Variants in COPZ1 observed in about 807,000 individuals in gnomAD.
COPZ1 encodes the protein coatomer subunit zeta-1.
COPZ1 carries 4 observed loss-of-function variants against 31.7 expected under a neutral mutation model. That is an observed-to-expected ratio of 0.13 (90% CI 0.06 to 0.29). COPZ1 has a LOEUF of 0.29. COPZ1 is among the 10% of genes least tolerant of loss of function. The pLI, the probability that COPZ1 is intolerant of heterozygous loss-of-function variation, is 1.00. For missense variants in COPZ1, 156 were observed against 211.5 expected, an observed-to-expected ratio of 0.74 and a Z score of 1.63; for synonymous variants, 74 against 79.0, an observed-to-expected ratio of 0.94 and a Z score of 0.33.
At position 54,349,931 on chromosome 12, in the gene COPZ1, T is replaced by A. The variant is rs1363041208; in HGVS notation, c.486+273T>A. Reference sequence around the variant, plus strand: ...CCTGCCTGATGCCTCATTCAGTGATTTATTCCCCAGCAGAGGCTTGCCTTA... The same window carrying A: ...CCTGCCTGATGCCTCATTCAGTGATATATTCCCCAGCAGAGGCTTGCCTTA... On this transcript the variant is annotated intron_variant, in intron 8 of 8. Transcript: ENST00000262061. 5.0e-6 allele frequency: 3 copies of A among 595,170 alleles called. No homozygotes were observed. The African/African-American group carries it at 5.6e-5, about 11-fold the overall frequency. 36.9% of individuals were successfully genotyped at this position (595,170 alleles called of 1,614,324 possible).
chr12:54,346,790 A>G, intron 5 of COPZ1: 1 of 605,432 alleles, frequency 1.7e-6, no homozygotes, highest in South Asian at 1.8e-5. Flanking sequence ...CAGGAGGTTG[A>G]GGCTGCAGTG....
chr12:54,337,302 C>G (rs753322025), intron 1 of COPZ1: 4 of 534,030 alleles, frequency 7.5e-6, no homozygotes, highest in African/African-American at 1.9e-5. Flanking sequence ...AACTTTGTCT[C>G]GAAAGCTTTC....
intron 2 of COPZ1, among the ~76,000 whole-genome samples, chr12:54,341,401 G>A (rs1953970972): frequency 6.6e-6 from 1 of 152,132 alleles, no homozygotes; most frequent in Non-Finnish European, 1.5e-5. Flanking sequence ...TCCCCCTCCT[G>A]TAGAAATTTC....
chr12:54,331,223 C>T (rs1015590289), intron 1 of COPZ1, among the ~76,000 whole-genome samples: 1 of 144,742 alleles, frequency 6.9e-6, no homozygotes, highest in African/African-American at 2.6e-5. Context: ...TCTTGTTGCC[C>T]AGGCTAGAGT....
At chr12:54,329,603 G>A (rs969206027) in intron 1 of COPZ1, among the ~76,000 whole-genome samples, 7 of 152,086 alleles carry the variant, frequency 4.6e-5, no homozygotes, top group Non-Finnish European at 1.0e-4. Flanking sequence ...ACTGAATTCT[G>A]TATCGGTTTA....
Position 54,340,549 on chromosome 12 carries a change from A to G in COPZ1, c.21A>G (p.Glu7=). The G allele has an allele frequency of 6.2e-7, 1 of 1,614,010 alleles. No individual in the cohort carries two copies. Among genetic ancestry groups the G allele is most frequent in the Non-Finnish European group, 8.5e-7 (1 of 1,179,974 alleles). The stretch of plus-strand genomic sequence containing the variant: ...AAGGTATGTTCGTATCTCTTCAGGA[A>G]CCTTCCCTGTATACTGTCAAAGCCA... The part of the protein sequence containing the change: MEALIL[E]PSLYTVKAIL... The change falls in exon 2 of 9, where the codon GAA becomes GAG. Residue 7 remains glutamate (E), a splice_region_variant and synonymous_variant. Coordinates refer to ENST00000262061, the MANE Select transcript of COPZ1 (RefSeq NM_016057.3).
At chr12:54,326,829 A>G (rs1953657464) in intron 1 of COPZ1, among the ~76,000 whole-genome samples, 1 of 151,860 alleles carries the variant, frequency 6.6e-6, no homozygotes, top group Admixed American at 6.6e-5. Context: ...CAGATAAAAG[A>G]ATAACAGGTT....
chr12:54,342,694 G>A (rs1953991467), intron 3 of COPZ1: 2 of 199,308 alleles, frequency 1.0e-5, no homozygotes, highest in African/African-American at 2.4e-5. Context: ...ACAGAGGATG[G>A]TGGTTACAGA....
chr12:54,346,759 G>T, intron 5 of COPZ1: 1 of 660,698 alleles, frequency 1.5e-6, no homozygotes, highest in Non-Finnish European at 2.8e-6. Context: ...GGGAGGCTGA[G>T]GTAGGAAGAT....
chr12:54,342,676 G>A (rs1953990506), intron 3 of COPZ1: 1 of 220,862 alleles, frequency 4.5e-6, no homozygotes, highest in Admixed American at 5.3e-5. Flanking sequence ...TAGGTATAGT[G>A]GGCAGGAACA....
chr12:54,332,284 T>G (rs1953771779), intron 1 of COPZ1, among the ~76,000 whole-genome samples: 1 of 151,602 alleles, frequency 6.6e-6, no homozygotes, highest in African/African-American at 2.4e-5. Flanking sequence ...GCACTCCAGC[T>G]TGGGCGACAG....
At chr12:54,339,327 A>C (rs12230917) in intron 1 of COPZ1, among the ~76,000 whole-genome samples, 1 of 151,156 alleles carries the variant, frequency 6.6e-6, no homozygotes, top group African/African-American at 2.4e-5. Flanking sequence ...ACACATCACT[A>C]TCTCTCCACA....
At chr12:54,337,984 T>C (rs1953903783) in intron 1 of COPZ1, among the ~76,000 whole-genome samples, 1 of 152,208 alleles carries the variant, frequency 6.6e-6, no homozygotes, top group Admixed American at 6.5e-5. Flanking sequence ...GTGGCTGTTG[T>C]AGGCACTCAC....
chr12:54,327,728 C>T (rs1403016917), intron 1 of COPZ1, among the ~76,000 whole-genome samples: 1 of 151,904 alleles, frequency 6.6e-6, no homozygotes, highest in Non-Finnish European at 1.5e-5. Flanking sequence ...TGTGCCACTG[C>T]ACTCCAGCAT....
At chr12:54,337,169 C>G (rs1565592377) in intron 1 of COPZ1, 3 of 533,300 alleles carry the variant, frequency 5.6e-6, no homozygotes, top group Non-Finnish European at 1.2e-5. Context: ...GAAAATCTGT[C>G]TAAGTCACCC....
chr12:54,327,129 C>T (rs550713252), intron 1 of COPZ1, among the ~76,000 whole-genome samples: 24 of 149,794 alleles, frequency 1.6e-4, no homozygotes, highest in South Asian at 1.3e-3. Flanking sequence ...TACAGGCACG[C>T]GCCACCATGC....
chr12:54,350,244 A>G (rs1247794187), intron 8 of COPZ1: 1 of 703,830 alleles, frequency 1.4e-6, no homozygotes, highest in Non-Finnish European at 2.6e-6. Context: ...CTTTTATACC[A>G]GGTATACCTC....
In COPZ1 at chr12:54,332,734, TA is replaced by T. The variant is rs1208909795; in HGVS notation, c.18+7564del. Among the ~76,000 whole-genome samples the T allele has an allele frequency of 3.1e-3, 433 of 140,166 alleles. 12 individuals carry two copies. The East Asian group carries it at 0.064, about 21-fold the overall frequency. 92.0% of individuals were successfully genotyped at this position (140,166 alleles called of 152,430 possible). On this transcript the variant is annotated intron_variant, in intron 1 of 8. Transcript: ENST00000262061. ...GGGCAACAAGAATGAAACTCAGTCTTAAAAAAAAAAAGGGAAAAAAAAAAAG... is the reference window on the plus strand; with the variant it reads ...GGGCAACAAGAATGAAACTCAGTCTTAAAAAAAAAAGGGAAAAAAAAAAAG...
At chr12:54,339,016 T>C (rs1953922411) in intron 1 of COPZ1, among the ~76,000 whole-genome samples, 1 of 152,146 alleles carries the variant, frequency 6.6e-6, no homozygotes, top group African/African-American at 2.4e-5. Context: ...AAACACATAC[T>C]TTTGTGTTTG....
Sources: allele counts gnomAD v4.1 joint callset (sites outside exome capture counted in the v4.1 genomes callset), GRCh38; gene constraint gnomAD v4.1.1; transcripts MANE v1.5; gene names NCBI Gene and HGNC (gene_info 2026-07-23, HGNC 2026-07-21).